TRPS1: variants seen among roughly 807,000 people sequenced by gnomAD.
TRPS1 encodes the protein zinc finger transcription factor Trps1.
TRPS1 carries 6 observed loss-of-function variants against 101.2 expected under a neutral mutation model. That is an observed-to-expected ratio of 0.06 (90% CI 0.03 to 0.12). The LOEUF is 0.12. Ranked by LOEUF, TRPS1 falls within the 10% of genes least tolerant of loss-of-function variation. The pLI is 1.00. For missense variants in TRPS1, 1,363 were observed against 1,567.0 expected (o/e 0.87, Z 2.20); for synonymous variants, 578 against 589.8 (o/e 0.98, Z 0.29).
chr8:115,445,067 T>A (rs1429015973), intron 5 of TRPS1, among the ~76,000 whole-genome samples: 5 of 152,174 alleles, frequency 3.3e-5, no homozygotes, highest in African/African-American at 1.2e-4. Context: ...CCTAGATTCC[T>A]CAATTACCCA....
chr8:115,476,753 T>A (rs948767739), intron 5 of TRPS1, among the ~76,000 whole-genome samples: 1 of 152,170 alleles, frequency 6.6e-6, no homozygotes, highest in African/African-American at 2.4e-5. Flanking sequence ...AATGTTTGAA[T>A]CTCAAAAGGA....
intron 5 of TRPS1, among the ~76,000 whole-genome samples, chr8:115,443,768 T>C (rs180963566): frequency 1.6e-4 from 25 of 152,324 alleles, no homozygotes; most frequent in Non-Finnish European, 2.8e-4. Context: ...TAAATATTGG[T>C]TATGATCGTT....
rs143500511 is a variant in TRPS1, at chr8:115,414,508, C to A, written c.3400G>T (p.Val1134Phe). 1.2e-6 allele frequency: 2 copies of A among 1,613,866 alleles called. No homozygotes were observed. Among genetic ancestry groups the A allele is most frequent in the Non-Finnish European group, 8.5e-7 (1 of 1,179,954 alleles). ...CTCAAGTAGTGCGGATTCCCAGGAA[C>A]GGAGAGCTTATATTTACTCCAGAAC... Reference protein sequence around the residue: ...LRFWSKYKLSVPGNPHYLSHV... With the variant: ...LRFWSKYKLSFPGNPHYLSHV... The change falls in exon 7 of 7, where the codon GTT becomes TTT. Residue 1134 changes from valine (V) to phenylalanine (F), a missense_variant. By Grantham distance (50) the Val-to-Phe change is conservative. Transcript: ENST00000395715. This position sits in a 1 kb window ranked among gnomAD's most constrained non-coding sequence, Gnocchi z 4.8.
At chr8:115,498,413 CTCTATATATA>C (rs1454076786) in intron 5 of TRPS1, among the ~76,000 whole-genome samples, 44 of 63,448 alleles carry the variant, frequency 6.9e-4, no homozygotes, top group African/African-American at 2.3e-3. Flanking sequence ...CTCTCTCTCT[CTCTATATATA>C]TATATATATA....
chr8:115,596,803 CAT>C lies in TRPS1; in HGVS notation c.2096+7068_2096+7069del, dbSNP rs554071085. On this transcript the variant is annotated intron_variant, in intron 4 of 6. Coordinates refer to ENST00000395715, the MANE Select transcript of TRPS1 (RefSeq NM_014112.5). ...ACATATGTATGTATATGTATGCATG[CAT>C]ATGATATTCATATGTATATCATAAA... is the stretch of plus-strand genomic sequence containing the variant. 1.1e-4 allele frequency among the ~76,000 whole-genome samples: 17 copies of C among 151,862 alleles called. No individual in the cohort carries two copies. The South Asian group carries it at 1.5e-3, about 13-fold the overall frequency.
At chr8:115,627,554 A>T (rs1346593518) in intron 1 of TRPS1, among the ~76,000 whole-genome samples, 5 of 151,864 alleles carry the variant, frequency 3.3e-5, no homozygotes. Context: ...GATGGTTATG[A>T]TGTGAATTGA....
chr8:115,476,828 C>T (rs144061295), intron 5 of TRPS1, among the ~76,000 whole-genome samples: 49 of 152,262 alleles, frequency 3.2e-4, no homozygotes, highest in African/African-American at 1.1e-3. Context: ...TACAACCATG[C>T]TTTTGATTTC....
chr8:115,546,585 C>CACACACAG (rs2130323841), intron 5 of TRPS1, among the ~76,000 whole-genome samples: 1 of 150,978 alleles, frequency 6.6e-6, no homozygotes, highest in East Asian at 1.9e-4. Context: ...AAATGTGACA[C>CACACACAG]ACACACACAC....
rs886964978 is a variant in TRPS1, at chr8:115,428,861, G to A, written c.2701-10409C>T. ...GACGGGTAAAATCATAGGTATTTAC[G>A]GACACCTTTCCAATGATTAAAACAA... On this transcript the variant is annotated intron_variant, in intron 5 of 6. Transcript: ENST00000395715. Among the ~76,000 whole-genome samples the A allele has an allele frequency of 3.3e-5, 5 of 151,790 alleles. No individual in the cohort carries two copies. The East Asian group carries it at 7.7e-4, about 23-fold the overall frequency.
At chr8:115,621,198 GGTTCC>G (rs1346618495) in intron 2 of TRPS1, among the ~76,000 whole-genome samples, 2 of 152,264 alleles carry the variant, frequency 1.3e-5, no homozygotes, top group Non-Finnish European at 2.9e-5. Context: ...TCGAGGACTG[GGTTCC>G]GTGGCTGCTG....
chr8:115,536,853 A>G (rs992683161), intron 5 of TRPS1, among the ~76,000 whole-genome samples: 6 of 151,626 alleles, frequency 4.0e-5, no homozygotes, highest in African/African-American at 1.5e-4. Flanking sequence ...TGTTTTAATA[A>G]TTTAAAAATA....
intron 5 of TRPS1, among the ~76,000 whole-genome samples, chr8:115,482,356 A>C (rs1435547663): frequency 3.3e-5 from 5 of 152,202 alleles, no homozygotes; most frequent in Non-Finnish European, 7.4e-5. Context: ...CTAAACATAT[A>C]GGTCAATTTT....
intron 1 of TRPS1, among the ~76,000 whole-genome samples, chr8:115,648,662 A>T (rs560924383): frequency 3.4e-5 from 5 of 149,176 alleles, no homozygotes; most frequent in East Asian, 2.0e-4. Context: ...AAAAGGAAAA[A>T]TTTTTTTAAA....
At chr8:115,531,956 G>A (rs1329806658) in intron 5 of TRPS1, among the ~76,000 whole-genome samples, 1 of 152,090 alleles carries the variant, frequency 6.6e-6, no homozygotes, top group African/African-American at 2.4e-5. Context: ...CTGAGTTGCT[G>A]GTTGTATGGG....
In TRPS1 at chr8:115,521,941, G is replaced by A. The variant is rs187235757; in HGVS notation, c.2700+65060C>T. 7.3e-4 allele frequency among the ~76,000 whole-genome samples: 111 copies of A among 151,892 alleles called. 1 individual carries two copies. Among genetic ancestry groups the A allele is most frequent in the Non-Finnish European group, 1.3e-3 (89 of 67,820 alleles). On this transcript the variant is annotated intron_variant, in intron 5 of 6. Transcript: ENST00000395715. ...TGGTTTAATGTCCTCATGAAGAGAC[G>A]AATTAATCTAAACTTAAACGTATTA...
chr8:115,591,549 C>T (rs755223047), intron 4 of TRPS1, among the ~76,000 whole-genome samples: 51 of 152,214 alleles, frequency 3.4e-4, no homozygotes, highest in Non-Finnish European at 5.1e-4. Flanking sequence ...AAGTTCCTGT[C>T]CCAAAGGAAA....
At chr8:115,436,476 C>T (rs1813457459) in intron 5 of TRPS1, among the ~76,000 whole-genome samples, 1 of 152,146 alleles carries the variant, frequency 6.6e-6, no homozygotes, top group Non-Finnish European at 1.5e-5. Flanking sequence ...CCTGCCCCAC[C>T]ATGGCCAGGT....
rs1393973633 is a variant in TRPS1, at chr8:115,500,671, G to A, written c.2701-82219C>T. ...TGCAAGCTCCGCCTCCCGGGTTCAC[G>A]CCATTCTCTTGCCTCAGCCTCCCGA... is the stretch of plus-strand genomic sequence containing the variant. On this transcript the variant is annotated intron_variant, in intron 5 of 6. Transcript: ENST00000395715. Among the ~76,000 whole-genome samples the A allele has an allele frequency of 2.6e-5, 4 of 152,188 alleles. No homozygotes were observed. In the East Asian group the frequency reaches 7.8e-4, roughly 30 times the overall value.
At chr8:115,535,313 T>TAGAGCATATATAG (rs375184672) in intron 5 of TRPS1, among the ~76,000 whole-genome samples, 3 of 55,584 alleles carry the variant, frequency 5.4e-5, no homozygotes, top group East Asian at 6.2e-4. Flanking sequence ...ATAGCATATA[T>TAGAGCATATATAG]AGCATATATA....
Sources: allele counts gnomAD v4.1 joint callset (sites outside exome capture counted in the v4.1 genomes callset), GRCh38; gene constraint gnomAD v4.1.1; non-coding constraint Gnocchi (gnomAD v3.1); transcripts MANE v1.5; gene names NCBI Gene and HGNC (gene_info 2026-07-23, HGNC 2026-07-21).